Variants in SCAMP1 observed in about 807,000 individuals in gnomAD.
The protein encoded by SCAMP1 is secretory carrier-associated membrane protein 1.
A neutral mutation model predicts 41.8 loss-of-function variants in SCAMP1; 15 were observed. The ratio of observed to expected loss-of-function variants is 0.36; its 90% CI spans 0.24 to 0.55. The LOEUF (loss-of-function observed/expected upper bound fraction) is 0.55, where lower values mean the gene tolerates loss of function less well. Among genes scored for constraint, SCAMP1 ranks in the 20% least tolerant of loss-of-function variants. The pLI, the probability that SCAMP1 is intolerant of heterozygous loss-of-function variation, is 0.86. For synonymous variants in SCAMP1, 135 were observed against 136.8 expected (o/e 0.99, Z 0.09); for missense variants, 341 against 412.6 (o/e 0.83, Z 1.50).
intron 8 of SCAMP1, among the ~76,000 whole-genome samples, chr5:78,466,824 T>C (rs1215121535): frequency 6.6e-6 from 1 of 152,160 alleles, no homozygotes; most frequent in African/African-American, 2.4e-5. Flanking sequence ...TGGAAACACT[T>C]AGGAGACGGG....
chr5:78,369,080 C>G (rs747612990), intron 1 of SCAMP1, among the ~76,000 whole-genome samples: 46 of 151,314 alleles, frequency 3.0e-4, no homozygotes, highest in Non-Finnish European at 4.7e-4. Flanking sequence ...ATGGGAACAA[C>G]TGGTTGGTGG....
intron 6 of SCAMP1, among the ~76,000 whole-genome samples, chr5:78,449,239 A>G (rs1270480764): frequency 6.6e-6 from 1 of 152,100 alleles, no homozygotes; most frequent in East Asian, 1.9e-4. Flanking sequence ...AAAACTAGAA[A>G]CAACCTAACT....
At chr5:78,451,095 C>A (rs185426420) in intron 7 of SCAMP1, among the ~76,000 whole-genome samples, 13 of 152,106 alleles carry the variant, frequency 8.5e-5, no homozygotes, top group East Asian at 7.7e-4. Context: ...GAGGTAATTT[C>A]TTTCGCTTTT....
chr5:78,361,751 ACTTTAATTTGCAGTCAC>A (rs1750659682), intron 1 of SCAMP1, among the ~76,000 whole-genome samples: 2 of 152,252 alleles, frequency 1.3e-5, no homozygotes, highest in Admixed American at 1.3e-4. Context: ...TGCAGTAGTA[ACTTTAATTTGCAGTCAC>A]ACAGAATAAA....
At chr5:78,440,851 C>T (rs1488040945) in intron 6 of SCAMP1, among the ~76,000 whole-genome samples, 2 of 152,212 alleles carry the variant, frequency 1.3e-5, no homozygotes, top group Non-Finnish European at 2.9e-5. Context: ...TTGTGGTGGG[C>T]TCCACCCAGT....
chr5:78,412,877 T>C (rs1752115076), intron 2 of SCAMP1, among the ~76,000 whole-genome samples: 1 of 152,200 alleles, frequency 6.6e-6, no homozygotes, highest in Non-Finnish European at 1.5e-5. Flanking sequence ...GTAATTAAAT[T>C]CGTCAATTTT....
At position 78,453,424 on chromosome 5, in the gene SCAMP1, A is replaced by T. The variant is rs1483109805; in HGVS notation, c.734+3390A>T. On this transcript the variant is annotated intron_variant, in intron 7 of 8. Coordinates refer to ENST00000621999, the MANE Select transcript of SCAMP1 (RefSeq NM_004866.6). ...CATATGGCTAGCCAGTTTTCCCAGC[A>T]CCATTTATTAAACAGGGAATCCTTT... 2.6e-5 allele frequency among the ~76,000 whole-genome samples: 4 copies of T among 151,656 alleles called. No individual in the cohort carries two copies. The East Asian group carries it at 7.7e-4, about 29-fold the overall frequency.
intron 2 of SCAMP1, among the ~76,000 whole-genome samples, chr5:78,400,432 G>T (rs140062436): frequency 2.0e-5 from 3 of 152,124 alleles, no homozygotes; most frequent in African/African-American, 7.2e-5. Context: ...TTGGGATTGC[G>T]TTGAATCTGT....
intron 7 of SCAMP1, among the ~76,000 whole-genome samples, 191 bp downstream of exon 7, chr5:78,450,225 G>C (rs1204224617): frequency 6.6e-6 from 1 of 152,038 alleles, no homozygotes; most frequent in African/African-American, 2.4e-5. Flanking sequence ...TGAAGATTAT[G>C]TTCCCATCTA....
At chr5:78,430,931 T>C (rs915447173) in intron 6 of SCAMP1, among the ~76,000 whole-genome samples, 15 of 152,084 alleles carry the variant, frequency 9.9e-5, no homozygotes, top group Admixed American at 9.2e-4. Flanking sequence ...GTGTTGAGAA[T>C]GTGGAGAAGA....
At chr5:78,440,243 C>T (rs964454856) in intron 6 of SCAMP1, among the ~76,000 whole-genome samples, 2 of 152,164 alleles carry the variant, frequency 1.3e-5, no homozygotes, top group Admixed American at 6.5e-5. Flanking sequence ...GCTTTGTTCC[C>T]TTGCTGGTGA....
intron 6 of SCAMP1, among the ~76,000 whole-genome samples, chr5:78,443,315 C>G (rs948428788): frequency 4.0e-5 from 6 of 151,406 alleles, no homozygotes; most frequent in African/African-American, 1.2e-4. Context: ...TTTGACCTCT[C>G]TAAATCTGTT....
chr5:78,382,796 TGTGTGTGTGTGTGTGTGTGTGTGC>T (rs1561253454), intron 1 of SCAMP1, among the ~76,000 whole-genome samples: 2 of 129,532 alleles, frequency 1.5e-5, no homozygotes, highest in African/African-American at 2.8e-5. Flanking sequence ...TGTGTGTGTG[TGTGTGTGTGTGTGTGTGTGTGTGC>T]GCCACATTTT....
intron 2 of SCAMP1, among the ~76,000 whole-genome samples, chr5:78,406,725 C>T (rs912593678): frequency 1.3e-5 from 2 of 152,082 alleles, no homozygotes; most frequent in Admixed American, 6.6e-5. Context: ...TAAGGTAATT[C>T]GTGTTAAAAT....
intron 7 of SCAMP1, among the ~76,000 whole-genome samples, chr5:78,451,580 T>A (rs952684886): frequency 6.6e-6 from 1 of 152,232 alleles, no homozygotes; most frequent in Non-Finnish European, 1.5e-5. Context: ...AACCTTTGGC[T>A]TTTTTCCCCT....
chr5:78,474,400 G>C (rs1055557301), intron 8 of SCAMP1, among the ~76,000 whole-genome samples: 3 of 152,150 alleles, frequency 2.0e-5, no homozygotes, highest in Non-Finnish European at 2.9e-5. Context: ...GGCAGGCCTA[G>C]AGTAGGTTGT....
chr5:78,423,505 G>A (rs765843543), intron 6 of SCAMP1, among the ~76,000 whole-genome samples: 3 of 151,978 alleles, frequency 2.0e-5, no homozygotes, highest in Non-Finnish European at 4.4e-5. Flanking sequence ...ATATGTTATC[G>A]ATCTGTGATG....
chr5:78,360,810 G>A, intron 1 of SCAMP1, 82 bp downstream of exon 1: 2 of 1,383,570 alleles, frequency 1.4e-6, no homozygotes, highest in Non-Finnish European at 2.0e-6. Flanking sequence ...CGCCCACTGC[G>A]TCTGCCCCTC....
chr5:78,373,701 A>G (rs1750999572), intron 1 of SCAMP1, among the ~76,000 whole-genome samples: 1 of 152,138 alleles, frequency 6.6e-6, no homozygotes, highest in Non-Finnish European at 1.5e-5. Flanking sequence ...TAGCTCAGAT[A>G]TGGTACTACA....
Sources: gnomAD v4.1 joint callset for allele counts (sites outside exome capture counted in the v4.1 genomes callset) on GRCh38, gnomAD v4.1.1 for gene constraint, MANE v1.5 for transcripts, NCBI Gene and HGNC (gene_info 2026-07-23, HGNC 2026-07-21) for gene names.